The following TNN variants were observed in gnomAD, a reference collection of about 807,000 sequenced individuals.
TNN encodes the protein tenascin-N.
A neutral mutation model predicts 134.4 loss-of-function variants in TNN; 122 were observed. The ratio of observed to expected loss-of-function variants is 0.91; its 90% confidence interval spans 0.78 to 1.06. The LOEUF (loss-of-function observed/expected upper bound fraction) is 1.06, where lower values mean the gene tolerates loss of function less well. Among genes scored for constraint, TNN ranks in the 50% least tolerant of loss-of-function variants. TNN has a pLI of 0.00. For synonymous variants in TNN, 710 were observed against 670.3 expected (o/e 1.06, Z -0.91); for missense variants, 1,739 against 1,699.4 (o/e 1.02, Z -0.41).
intron 1 of TNN, among the ~76,000 whole-genome samples, chr1:175,073,355 G>A (rs1673963157): frequency 2.0e-5 from 3 of 152,240 alleles, no homozygotes; most frequent in Middle Eastern, 6.8e-3. Flanking sequence ...TGGCCGTTGT[G>A]AAATATCATT....
Position 175,117,125 on chromosome 1 carries a change from C to G in TNN, c.2306C>G (p.Pro769Arg). Residue 769 changes from proline to arginine, a missense_variant, in exon 10 of 19, where the codon CCG (proline) becomes CGG (arginine). Pro to Arg is a moderately radical substitution (Grantham distance 103, BLOSUM62 -2). Transcript: ENST00000239462. ...QSSTVLTGLR[P>R]GVEYTVHVWA... ...AGCACTGTCCTGACGGGCCTGAGGCCGGGTGTGGAGTACACGGTGCACGTG... is the reference window on the plus strand; with the variant it reads ...AGCACTGTCCTGACGGGCCTGAGGCGGGGTGTGGAGTACACGGTGCACGTG... 6.2e-6 allele frequency: 10 copies of G among 1,614,222 alleles called. No individual in the cohort carries two copies. Among genetic ancestry groups the G allele is most frequent in the Non-Finnish European group, 8.5e-6 (10 of 1,180,042 alleles).
chr1:175,072,399 GCAGAATTTACCCAA>G (rs1489599773), intron 1 of TNN, among the ~76,000 whole-genome samples: 2 of 152,134 alleles, frequency 1.3e-5, no homozygotes, highest in African/African-American at 2.4e-5. Flanking sequence ...ATGCATCCCT[GCAGAATTTACCCAA>G]CTTTCCATGG....
intron 1 of TNN, among the ~76,000 whole-genome samples, chr1:175,075,144 G>T (rs1270698334): frequency 6.6e-6 from 1 of 151,954 alleles, no homozygotes; most frequent in Non-Finnish European, 1.5e-5. Context: ...ATTCTTCCAG[G>T]GCTCTTCACC....
At chr1:175,128,808 G>C in intron 15 of TNN, 62 bp downstream of exon 15, 1 of 1,521,544 alleles carries the variant, frequency 6.6e-7, no homozygotes, top group Non-Finnish European at 8.9e-7. Context: ...CCAGGATGCC[G>C]GTCATGGATG....
chr1:175,122,926 G>C (rs1276591969), intron 11 of TNN, among the ~76,000 whole-genome samples: 2 of 152,182 alleles, frequency 1.3e-5, no homozygotes, highest in Non-Finnish European at 2.9e-5. Flanking sequence ...AGAGCGAAGA[G>C]TCTTGGCTTT....
At chr1:175,081,892 T>C (rs1674205118) in intron 4 of TNN, among the ~76,000 whole-genome samples, 1 of 152,130 alleles carries the variant, frequency 6.6e-6, no homozygotes, top group Non-Finnish European at 1.5e-5. Flanking sequence ...GAGGCTGAAG[T>C]TGGTGATTGT....
rs1674144577 is a variant in TNN, at chr1:175,079,609, G to A, written c.686G>A (p.Ser229Asn). ...CHEDFMSEDC[S>N]EKRCPGDCSG... ...GAAGACTTCATGTCGGAGGACTGCA[G>A]CGAGAAGCGCTGTCCCGGCGACTGC... Residue 229 changes from serine to asparagine, a missense_variant, in exon 3 of 19, where the codon AGC (serine) becomes AAC (asparagine). Coordinates refer to ENST00000239462, the MANE Select transcript of TNN (RefSeq NM_022093.2). 4 of 1,599,200 alleles carry A rather than the reference G, an allele frequency of 2.5e-6. No homozygotes were observed. In the South Asian group the frequency reaches 3.4e-5, roughly 13 times the overall value.
chr1:175,135,844 G>A lies in TNN; in HGVS notation c.3331-1G>A. ...AGTGAAGTATTCATCTTCCTTCTCA[G>A]GTCTTCCAGAGGCGGAACACTGGGC... On this transcript the variant is annotated splice_acceptor_variant, in intron 15 of 18. Coordinates refer to ENST00000239462, the MANE Select transcript of TNN (RefSeq NM_022093.2). LOFTEE classifies it high-confidence loss of function. 6.2e-7 allele frequency: 1 copy of A among 1,612,728 alleles called. No individual in the cohort carries two copies. Among genetic ancestry groups the A allele is most frequent in the Non-Finnish European group, 8.5e-7 (1 of 1,178,820 alleles).
chr1:175,116,606 C>T (rs1268855762), intron 9 of TNN, among the ~76,000 whole-genome samples: 10 of 152,206 alleles, frequency 6.6e-5, no homozygotes, highest in Admixed American at 4.6e-4. Flanking sequence ...CTGAACTGTC[C>T]GGAGCCACAA....
intron 14 of TNN, 92 bp downstream of exon 14, chr1:175,128,256 C>A: frequency 1.6e-6 from 2 of 1,215,872 alleles, no homozygotes; most frequent in Non-Finnish European, 2.3e-6. Flanking sequence ...CAAGTGGATG[C>A]AGAACTATTG....
chr1:175,115,048 G>A (rs1320517744), intron 9 of TNN, among the ~76,000 whole-genome samples: 2 of 152,186 alleles, frequency 1.3e-5, no homozygotes, highest in Admixed American at 6.5e-5. Context: ...TCAGACTCAG[G>A]GGGCCTAGTC....
At chr1:175,069,069 T>G (rs1453169084) in intron 1 of TNN, among the ~76,000 whole-genome samples, 1 of 152,086 alleles carries the variant, frequency 6.6e-6, no homozygotes, top group Non-Finnish European at 1.5e-5. Context: ...GCATGAAACC[T>G]GTGTTGCTTA....
chr1:175,103,725 C>T (rs1313823227), intron 9 of TNN, among the ~76,000 whole-genome samples: 1 of 143,458 alleles, frequency 7.0e-6, no homozygotes, highest in African/African-American at 2.5e-5. Flanking sequence ...GACTTTCTGT[C>T]TCTTTGTCTC....
rs375957756 is a variant in TNN at position 175,102,288 on chromosome 1, C to T, written c.2119+3693C>T. Among the ~76,000 whole-genome samples, 144 of 146,476 alleles carry T rather than the reference C, an allele frequency of 9.8e-4. 23 individuals carry two copies. In the East Asian group the frequency reaches 0.02, roughly 20 times the overall value. ...CAGGTGGAGCTGTCTGCCAGTCCCG[C>T]GCCATGAACTTGTACTCCTCAGCCC... On this transcript the variant is annotated intron_variant, in intron 9 of 18. Coordinates refer to ENST00000239462, the MANE Select transcript of TNN (RefSeq NM_022093.2).
intron 2 of TNN, among the ~76,000 whole-genome samples, chr1:175,078,916 T>A (rs1482968028): frequency 6.6e-6 from 1 of 152,072 alleles, no homozygotes; most frequent in Non-Finnish European, 1.5e-5. Flanking sequence ...TGGATCTCAC[T>A]TTCCCCCCAG....
chr1:175,141,006 C>T (rs1230189467), intron 17 of TNN, among the ~76,000 whole-genome samples: 1 of 152,150 alleles, frequency 6.6e-6, no homozygotes, highest in Non-Finnish European at 1.5e-5. Context: ...CATTTTAGCT[C>T]TGATTAGAAC....
rs745841523 is a variant in TNN, at chr1:175,077,441, G to A, written c.23G>A (p.Arg8His). The A allele has an allele frequency of 2.4e-5, 39 of 1,613,414 alleles. No individual in the cohort carries two copies. The highest frequency in any genetic ancestry group is 3.1e-5 in the Non-Finnish European group (36 of 1,179,764). Residue 8 changes from arginine (R) to histidine (H), a missense_variant, in exon 2 of 19, where the codon CGC (arginine) becomes CAC (histidine). Transcript: ENST00000239462. MSLQEMF[R>H]FPMGLLLGSV... ...AGGATGAGTCTCCAGGAGATGTTCC[G>A]CTTCCCTATGGGGCTCCTGCTTGGC... is the stretch of plus-strand genomic sequence containing the variant.
chr1:175,145,185 T>C lies in TNN; in HGVS notation c.3759+635T>C, dbSNP rs75259454. ...GGTGGTTAGGGCTTTACTACATGAATTTTGAAGAGACACAAACATTCAGTT... is the reference window on the plus strand; with the variant it reads ...GGTGGTTAGGGCTTTACTACATGAACTTTGAAGAGACACAAACATTCAGTT... On this transcript the variant is annotated intron_variant, in intron 18 of 18. Transcript: ENST00000239462. 8.1e-3 allele frequency among the ~76,000 whole-genome samples: 1,240 copies of C among 152,202 alleles called. 8 individuals carry two copies. Among genetic ancestry groups the C allele is most frequent in the Non-Finnish European group, 0.013 (862 of 67,998 alleles).
At chr1:175,084,346 G>T (rs1674277081) in intron 5 of TNN, among the ~76,000 whole-genome samples, 1 of 151,966 alleles carries the variant, frequency 6.6e-6, no homozygotes, top group South Asian at 2.1e-4. Flanking sequence ...TGAGCATGAT[G>T]CATGGAAGGG....
Sources: gnomAD v4.1 joint callset for allele counts (sites outside exome capture counted in the v4.1 genomes callset) on GRCh38, gnomAD v4.1.1 for gene constraint, MANE v1.5 for transcripts, NCBI Gene and HGNC (gene_info 2026-07-23, HGNC 2026-07-21) for gene names.